Variants in MEIKIN observed in about 807,000 individuals in gnomAD.
The protein encoded by MEIKIN is meiosis-specific kinetochore protein.
intron 8 of MEIKIN, among the ~76,000 whole-genome samples, chr5:131,885,844 C>G (rs568114852): frequency 1.3e-5 from 2 of 152,188 alleles, no homozygotes; most frequent in East Asian, 3.9e-4. Context: ...CCTGGAGAAA[C>G]GGAGATACAT....
chr5:131,822,148 C>T (rs1278788709), intron 11 of MEIKIN, among the ~76,000 whole-genome samples: 3 of 152,000 alleles, frequency 2.0e-5, no homozygotes, highest in Non-Finnish European at 4.4e-5. Flanking sequence ...TTTTCCAGCC[C>T]TTTATTTTCA....
intron 11 of MEIKIN, among the ~76,000 whole-genome samples, chr5:131,825,627 G>C (rs1749597497): frequency 6.6e-6 from 1 of 152,154 alleles, no homozygotes; most frequent in Admixed American, 6.5e-5. Context: ...GACACAGTGT[G>C]GACCAAAACC....
chr5:131,914,411 G>A, intron 7 of MEIKIN, among the ~76,000 whole-genome samples: 1 of 143,162 alleles, frequency 7.0e-6, no homozygotes, highest in African/African-American at 2.6e-5. Flanking sequence ...AAGAAAGAAA[G>A]GAAAGAAGGA....
intron 8 of MEIKIN, among the ~76,000 whole-genome samples, chr5:131,907,648 C>A (rs139935746): frequency 3.3e-5 from 5 of 150,834 alleles, no homozygotes; most frequent in African/African-American, 1.2e-4. Flanking sequence ...CCAAGGTGGG[C>A]GGATCACGAA....
intron 9 of MEIKIN, among the ~76,000 whole-genome samples, chr5:131,873,474 T>C (rs1750545737): frequency 6.6e-6 from 1 of 152,158 alleles, no homozygotes; most frequent in Admixed American, 6.5e-5. Flanking sequence ...ATGCACCCAA[T>C]ATAGGAGCAC....
At chr5:131,892,859 G>T (rs1459886189) in intron 8 of MEIKIN, among the ~76,000 whole-genome samples, 1 of 152,088 alleles carries the variant, frequency 6.6e-6, no homozygotes, top group Non-Finnish European at 1.5e-5. Flanking sequence ...TCTACCTTTG[G>T]TCTTTGATGA....
At chr5:131,895,284 G>A (rs972609737) in intron 8 of MEIKIN, among the ~76,000 whole-genome samples, 2 of 152,166 alleles carry the variant, frequency 1.3e-5, no homozygotes, top group African/African-American at 4.8e-5. Context: ...GCTGGATTTG[G>A]TTTGTCAGTA....
At chr5:131,846,483 T>C (rs1179659353) in intron 11 of MEIKIN, among the ~76,000 whole-genome samples, 3 of 152,250 alleles carry the variant, frequency 2.0e-5, no homozygotes, top group South Asian at 4.1e-4. Context: ...GCTAGTATTA[T>C]TGTAACATTG....
chr5:131,855,893 G>A (rs1220795775), intron 9 of MEIKIN, among the ~76,000 whole-genome samples: 8 of 152,168 alleles, frequency 5.3e-5, no homozygotes, highest in African/African-American at 1.9e-4. Context: ...ACAGAGACAG[G>A]CAGCTTTATT....
intron 9 of MEIKIN, among the ~76,000 whole-genome samples, chr5:131,857,950 T>C (rs1211908901): frequency 6.6e-6 from 1 of 152,148 alleles, no homozygotes; most frequent in Non-Finnish European, 1.5e-5. Context: ...CCAGCAACTG[T>C]TCACCCCAGC....
At chr5:131,943,739 A>G (rs1751913750) in intron 3 of MEIKIN, among the ~76,000 whole-genome samples, 1 of 152,148 alleles carries the variant, frequency 6.6e-6, no homozygotes, top group African/African-American at 2.4e-5. Flanking sequence ...CTGTTAAACT[A>G]TGGATAAAAG....
intron 11 of MEIKIN, among the ~76,000 whole-genome samples, chr5:131,848,592 A>G (rs1285283376): frequency 2.0e-5 from 3 of 152,204 alleles, no homozygotes; most frequent in African/African-American, 7.2e-5. Flanking sequence ...GAATTCTACC[A>G]AACATTTAAA....
intron 9 of MEIKIN, among the ~76,000 whole-genome samples, chr5:131,875,306 C>T (rs1477307105): frequency 1.3e-5 from 2 of 152,168 alleles, no homozygotes; most frequent in Non-Finnish European, 2.9e-5. Context: ...TCTCAAGATA[C>T]AAAATCAATG....
chr5:131,876,018 G>T, intron 9 of MEIKIN, among the ~76,000 whole-genome samples: 1 of 152,140 alleles, frequency 6.6e-6, no homozygotes, highest in East Asian at 1.9e-4. Context: ...AGACTTACAT[G>T]TTAGACCTAA....
chr5:131,875,681 C>A (rs1234660297), intron 9 of MEIKIN, among the ~76,000 whole-genome samples: 1 of 152,088 alleles, frequency 6.6e-6, no homozygotes, highest in African/African-American at 2.4e-5. Flanking sequence ...GAGCCCGCAT[C>A]GCCAAGTCAA....
chr5:131,944,666 C>T lies in MEIKIN; in HGVS notation c.287G>A (p.Arg96His), dbSNP rs1751931187. The change falls in exon 3 of 13, where the codon CGT (arginine) becomes CAT (histidine). Residue 96 changes from arginine (R) to histidine (H), a missense_variant and splice_region_variant. Transcript: ENST00000442687. ...DTQDEKIASL[R>H]ESVTDDLQVD... ...GGACTAAAAGAGAAGCATACATACA[C>T]GCAACGATGCAATCTTCTCATCCTG... 1.3e-5 allele frequency: 5 copies of T among 399,076 alleles called. No individual in the cohort carries two copies. The highest frequency in any genetic ancestry group is 4.4e-5 in the Admixed American group (1 of 22,734). 24.7% of individuals were successfully genotyped at this position (399,076 alleles called of 1,614,324 possible).
intron 8 of MEIKIN, among the ~76,000 whole-genome samples, chr5:131,889,963 A>C (rs1436309104): frequency 6.6e-6 from 1 of 152,136 alleles, no homozygotes; most frequent in Non-Finnish European, 1.5e-5. Flanking sequence ...GCATCTATTG[A>C]GATCATCATG....
intron 8 of MEIKIN, among the ~76,000 whole-genome samples, chr5:131,879,464 T>C (rs1750669381): frequency 6.6e-6 from 1 of 152,242 alleles, no homozygotes; most frequent in Admixed American, 6.5e-5. Flanking sequence ...GGAAAAATTG[T>C]ACAGTGGCGA....
rs969994880 is a variant in MEIKIN at position 131,884,895 on chromosome 5, T to A, written c.704-5847A>T. ...AACACTGGTGGGTACCCTGGCAGTA[T>A]TCCCCATGGGCCTGTGGTGGCCGTG... On this transcript the variant is annotated intron_variant, in intron 8 of 12. Transcript: ENST00000442687. Among the ~76,000 whole-genome samples, 2 of 152,240 alleles carry A rather than the reference T, an allele frequency of 1.3e-5. 1 individual carries two copies. Among genetic ancestry groups the A allele is most frequent in the Middle Eastern group, 6.8e-3 (2 of 294 alleles).
Sources: allele counts gnomAD v4.1 joint callset (sites outside exome capture counted in the v4.1 genomes callset), GRCh38; gene constraint gnomAD v4.1.1; transcripts MANE v1.5; gene names NCBI Gene and HGNC (gene_info 2026-07-23, HGNC 2026-07-21).